The following NRXN1 variants were observed in gnomAD, a reference collection of about 807,000 sequenced individuals.
NRXN1 encodes neurexin-1.
Under a neutral mutation model 150.9 loss-of-function variants are expected in NRXN1, and 39 were observed. The observed-to-expected ratio is 0.26, with a 90% CI of 0.20 to 0.34. The LOEUF (loss-of-function observed/expected upper bound fraction) is 0.34, where lower values mean the gene tolerates loss of function less well. Among genes scored for constraint, NRXN1 ranks in the 10% least tolerant of loss-of-function variants. NRXN1 has a pLI of 1.00. For synonymous variants in NRXN1, 924 were observed against 757.0 expected (o/e 1.22, Z -3.62); for missense variants, 1,815 against 1,949.9 (o/e 0.93, Z 1.30).
chr2:50,237,248 C>T (rs550998731), intron 17 of NRXN1, among the ~76,000 whole-genome samples: 14 of 152,060 alleles, frequency 9.2e-5, no homozygotes, highest in South Asian at 8.3e-4. Flanking sequence ...TGGACAAGAA[C>T]GGAATGTAAT....
chr2:50,060,542 G>C (rs6545148), intron 19 of NRXN1, among the ~76,000 whole-genome samples: 92,956 of 151,922 alleles, frequency 0.61, 28,669 homozygotes, highest in Middle Eastern at 0.67. Flanking sequence ...TGAAATGTGA[G>C]GGCATGAGAT....
chr2:50,330,115 A>G (rs1480818667), intron 17 of NRXN1, among the ~76,000 whole-genome samples: 1 of 152,180 alleles, frequency 6.6e-6, no homozygotes, highest in Non-Finnish European at 1.5e-5. Flanking sequence ...AAAGATGTGT[A>G]TGATGCCATA....
intron 18 of NRXN1, among the ~76,000 whole-genome samples, chr2:50,101,393 G>C (rs1385634626): frequency 3.9e-5 from 6 of 151,954 alleles, no homozygotes; most frequent in Admixed American, 3.9e-4. Flanking sequence ...TCCTATAAAA[G>C]AGCTTTGGGA....
At chr2:50,714,962 A>T (rs1432438402) in intron 5 of NRXN1, among the ~76,000 whole-genome samples, 1 of 152,176 alleles carries the variant, frequency 6.6e-6, no homozygotes, top group African/African-American at 2.4e-5. Context: ...CTATTTAATT[A>T]TAATGTTATG....
intron 17 of NRXN1, among the ~76,000 whole-genome samples, chr2:50,361,016 G>A (rs1461146123): frequency 2.0e-5 from 3 of 152,162 alleles, no homozygotes. Flanking sequence ...AATGACTACT[G>A]AGTAAATAAC....
At chr2:50,328,941 T>C (rs746753287) in intron 17 of NRXN1, among the ~76,000 whole-genome samples, 1 of 152,130 alleles carries the variant, frequency 6.6e-6, no homozygotes, top group Non-Finnish European at 1.5e-5. Flanking sequence ...TCTGAGTAGA[T>C]GCTAGCTCAA....
intron 5 of NRXN1, among the ~76,000 whole-genome samples, chr2:50,705,814 T>A (rs1173471095): frequency 6.6e-6 from 1 of 152,096 alleles, no homozygotes; most frequent in Non-Finnish European, 1.5e-5. Context: ...ATTGCCCTTA[T>A]GTTGATTGGC....
chr2:50,550,680 T>C (rs1048204854), intron 9 of NRXN1, among the ~76,000 whole-genome samples: 1 of 150,782 alleles, frequency 6.6e-6, no homozygotes, highest in African/African-American at 2.4e-5. Flanking sequence ...TTTATTTTTA[T>C]TTTTTATTTT....
chr2:50,283,169 G>A (rs2071683324), intron 17 of NRXN1, among the ~76,000 whole-genome samples: 1 of 152,154 alleles, frequency 6.6e-6, no homozygotes, highest in African/African-American at 2.4e-5. Context: ...ATTACCAAAT[G>A]AAATAAGAAT....
intron 15 of NRXN1, among the ~76,000 whole-genome samples, chr2:50,486,122 C>T (rs952837337): frequency 3.3e-5 from 5 of 152,076 alleles, no homozygotes; most frequent in East Asian, 1.9e-4. Context: ...TTAAAGTGAT[C>T]GGTTGCGGTA....
At chr2:50,185,007 C>T (rs2060974665) in intron 18 of NRXN1, among the ~76,000 whole-genome samples, 1 of 152,012 alleles carries the variant, frequency 6.6e-6, no homozygotes, top group South Asian at 2.1e-4. Context: ...AGTATTACAC[C>T]TTTTATTTAT....
chr2:50,215,200 T>C (rs755471785), intron 18 of NRXN1, among the ~76,000 whole-genome samples: 2 of 152,028 alleles, frequency 1.3e-5, no homozygotes, highest in Non-Finnish European at 2.9e-5. Flanking sequence ...CCTACTCCCA[T>C]TCTCCTGATT....
At chr2:50,805,223 A>G (rs533531173) in intron 5 of NRXN1, among the ~76,000 whole-genome samples, 1 of 148,866 alleles carries the variant, frequency 6.7e-6, no homozygotes, top group East Asian at 2.0e-4. Flanking sequence ...ATGAAAAAGT[A>G]AAAAAAAAAG....
chr2:50,845,086 G>A (rs1012637048), intron 5 of NRXN1, among the ~76,000 whole-genome samples: 1 of 151,934 alleles, frequency 6.6e-6, no homozygotes, highest in South Asian at 2.1e-4. Flanking sequence ...GAACTCCTAG[G>A]TTCAAGTGAT....
At chr2:50,805,491 T>TA (rs1002047270) in intron 5 of NRXN1, among the ~76,000 whole-genome samples, 13 of 151,968 alleles carry the variant, frequency 8.6e-5, no homozygotes, top group African/African-American at 2.7e-4. Context: ...CCATCATTAC[T>TA]AAAAAAATAC....
chr2:50,586,951 C>G (rs1209646643), intron 8 of NRXN1, among the ~76,000 whole-genome samples: 1 of 152,064 alleles, frequency 6.6e-6, no homozygotes, highest in Non-Finnish European at 1.5e-5. Flanking sequence ...CCATTGGTGT[C>G]AATACATGGC....
At chr2:50,579,003 T>C (rs897709167) in intron 8 of NRXN1, among the ~76,000 whole-genome samples, 5 of 152,184 alleles carry the variant, frequency 3.3e-5, no homozygotes, top group African/African-American at 1.2e-4. Flanking sequence ...CATTTCATTT[T>C]CAGATTTATT....
At chr2:50,434,503 AAGAAGGAC>A in intron 17 of NRXN1, among the ~76,000 whole-genome samples, 1 of 152,292 alleles carries the variant, frequency 6.6e-6, no homozygotes, top group East Asian at 1.9e-4. Flanking sequence ...GGTTTCCTGA[AAGAAGGAC>A]AATGAGCTAC....
At chr2:50,452,881 G>C (rs181710374) in intron 17 of NRXN1, among the ~76,000 whole-genome samples, 16 of 152,236 alleles carry the variant, frequency 1.1e-4, no homozygotes, top group African/African-American at 3.1e-4. Flanking sequence ...ACTTGGATTT[G>C]GTCATTCTCC....
Sources: gnomAD v4.1 joint callset for allele counts (sites outside exome capture counted in the v4.1 genomes callset) on GRCh38, gnomAD v4.1.1 for gene constraint, MANE v1.5 for transcripts, NCBI Gene and HGNC (gene_info 2026-07-23, HGNC 2026-07-21) for gene names.